Variants in NIPBL observed in about 807,000 individuals in gnomAD.
NIPBL encodes the protein nipped-B-like protein.
A neutral mutation model predicts 321.8 loss-of-function variants in NIPBL; 19 were observed. The ratio of observed to expected loss-of-function variants is 0.06; its 90% confidence interval spans 0.04 to 0.09. NIPBL has a LOEUF of 0.09. Ranked by LOEUF, NIPBL falls within the 10% of genes least tolerant of loss-of-function variation. The probability of loss-of-function intolerance (pLI) is 1.00; values close to 1 mark genes in which losing one functional copy is unlikely to be tolerated. For synonymous variants in NIPBL, 1,106 were observed against 1,114.1 expected (o/e 0.99, Z 0.14); for missense variants, 2,210 against 3,327.0 (o/e 0.66, Z 8.26).
intron 1 of NIPBL, among the ~76,000 whole-genome samples, chr5:36,917,605 A>G (rs576330694): frequency 7.2e-5 from 11 of 152,264 alleles, no homozygotes; most frequent in Admixed American, 1.3e-4. Context: ...GCCCATGCCT[A>G]TGTCCTGAAT....
chr5:36,912,016 A>G (rs569740700), intron 1 of NIPBL, among the ~76,000 whole-genome samples: 111 of 152,328 alleles, frequency 7.3e-4, no homozygotes, highest in African/African-American at 2.4e-3. Flanking sequence ...CGTGTTTTAA[A>G]TAAATTAGTG....
Position 36,876,961 on chromosome 5 carries a change from G to A in NIPBL, c.-297G>A, listed in dbSNP as rs1319186708. ...GCCCCCCCGGTAGCTCGGGCCCGTGGTCGGGTGTTTGTGAGTGTTTCTATG... is the reference window on the plus strand; with the variant it reads ...GCCCCCCCGGTAGCTCGGGCCCGTGATCGGGTGTTTGTGAGTGTTTCTATG... On this transcript the variant is annotated 5_prime_UTR_variant, in exon 1 of 47. Coordinates refer to ENST00000282516, the MANE Select transcript of NIPBL (RefSeq NM_133433.4). 2.5e-6 allele frequency: 1 copy of A among 395,386 alleles called. No individual in the cohort carries two copies. Among genetic ancestry groups the A allele is most frequent in the Non-Finnish European group, 4.5e-6 (1 of 223,918 alleles). 24.5% of individuals were successfully genotyped at this position (395,386 alleles called of 1,614,324 possible). A position where few individuals can be genotyped will look rare whatever the true frequency, so the allele number is the denominator to read the frequency against.
At chr5:36,948,709 T>C (rs1022477588) in intron 1 of NIPBL, among the ~76,000 whole-genome samples, 1 of 151,942 alleles carries the variant, frequency 6.6e-6, no homozygotes, top group Non-Finnish European at 1.5e-5. Context: ...CATTGTAATC[T>C]TGTATCCAAA....
chr5:36,951,682 AT>A (rs1425778334), intron 1 of NIPBL, among the ~76,000 whole-genome samples: 2 of 152,182 alleles, frequency 1.3e-5, no homozygotes, highest in Non-Finnish European at 2.9e-5. Context: ...CAAATTAATA[AT>A]TTCAAAGAGT....
intron 19 of NIPBL, among the ~76,000 whole-genome samples, 194 bp from the exon 20 acceptor site, chr5:37,008,429 T>A (rs1027426784): frequency 6.6e-6 from 1 of 152,146 alleles, no homozygotes; most frequent in Non-Finnish European, 1.5e-5. Flanking sequence ...TTCATAGTCC[T>A]TTAAATGAAA....
chr5:37,054,417 T>C (rs543665685), intron 42 of NIPBL, among the ~76,000 whole-genome samples: 57 of 152,200 alleles, frequency 3.7e-4, no homozygotes, highest in Non-Finnish European at 7.1e-4. Flanking sequence ...CCAGATGATA[T>C]AATGTAGTGC....
chr5:36,999,042 A>T (rs1404285788), intron 11 of NIPBL, among the ~76,000 whole-genome samples: 1 of 152,216 alleles, frequency 6.6e-6, no homozygotes, highest in Admixed American at 6.5e-5. Context: ...TTGTCCATAG[A>T]TTAGCTAGAA....
At chr5:36,958,366 A>G (rs1421167387) in intron 4 of NIPBL, 135 bp downstream of exon 4, 13 of 778,192 alleles carry the variant, frequency 1.7e-5, no homozygotes, top group African/African-American at 6.9e-5. Context: ...CAAGAAGGAA[A>G]CTAAACTGAT....
chr5:36,954,848 G>T, intron 2 of NIPBL: 1 of 153,054 alleles, frequency 6.5e-6, no homozygotes, highest in Non-Finnish European at 1.5e-5. Flanking sequence ...AATTTGTTAG[G>T]TGAACAGAGA....
chr5:36,961,620 TGTATG>T (rs1463384296), intron 5 of NIPBL, 37 bp downstream of exon 5: 21 of 1,222,552 alleles, frequency 1.7e-5, no homozygotes, highest in Non-Finnish European at 2.3e-5. Context: ...AATATTGTCT[TGTATG>T]GTGAATATGC....
At position 37,019,325 on chromosome 5, in the gene NIPBL, A is replaced by G; in HGVS notation, c.4935A>G (p.Glu1645=). 2 of 1,610,930 alleles carry G rather than the reference A, an allele frequency of 1.2e-6. No individual in the cohort carries two copies. Among genetic ancestry groups the G allele is most frequent in the Non-Finnish European group, 1.7e-6 (2 of 1,177,318 alleles). The change falls in exon 25 of 47, where the codon GAA becomes GAG. Residue 1645 remains glutamate, a synonymous_variant. Transcript: ENST00000282516. ...TTATTCTATAGGTTTCAGGAGGGGA[A>G]GATGAAATCCAACAATTACAAAAAG... ...ERILKQVSGG[E]DEIQQLQKAL...
At chr5:37,004,878 A>G (rs1747242400) in intron 16 of NIPBL, among the ~76,000 whole-genome samples, 1 of 152,192 alleles carries the variant, frequency 6.6e-6, no homozygotes, top group African/African-American at 2.4e-5. Context: ...TATATTTAAT[A>G]TACAAGCACT....
At chr5:37,024,778 A>G in intron 30 of NIPBL, 59 bp downstream of exon 30, 1 of 1,327,922 alleles carries the variant, frequency 7.5e-7, no homozygotes, top group East Asian at 2.5e-5. Flanking sequence ...TTAAATGTTT[A>G]TTGCACCTAA....
At chr5:36,962,907 A>G (rs1741787887) in intron 6 of NIPBL, among the ~76,000 whole-genome samples, 1 of 152,108 alleles carries the variant, frequency 6.6e-6, no homozygotes. Context: ...GCATTTGCAG[A>G]TTTTGGTATC....
chr5:36,932,777 TG>T (rs1290425112), intron 1 of NIPBL, among the ~76,000 whole-genome samples: 9 of 135,234 alleles, frequency 6.7e-5, no homozygotes, highest in Non-Finnish European at 1.1e-4. Context: ...ATTCCTCTGC[TG>T]TTTTTTTTTT....
At chr5:37,021,017 G>A (rs1412959937) in intron 27 of NIPBL, 140 bp downstream of exon 27, 13 of 762,168 alleles carry the variant, frequency 1.7e-5, no homozygotes, top group Admixed American at 5.9e-5. Context: ...TAGGTTCTCC[G>A]GCCGGGTGTA....
At chr5:37,011,265 T>C (rs934852420) in intron 21 of NIPBL, among the ~76,000 whole-genome samples, 3 of 152,172 alleles carry the variant, frequency 2.0e-5, no homozygotes, top group African/African-American at 7.2e-5. Context: ...GTAATAATTA[T>C]TAATAACTGG....
At position 37,038,860 on chromosome 5, in the gene NIPBL, A is replaced by G. The variant is rs1752010453; in HGVS notation, c.6108+122A>G. ...TCAACTGTGTCATTTACTTAGATAT[A>G]TGTACTATTTGTAGCAAGTGATCTA... On this transcript the variant is annotated intron_variant, in intron 34 of 46. Transcript: ENST00000282516. The G allele has an allele frequency of 7.0e-6, 7 of 994,960 alleles. No individual in the cohort carries two copies. The South Asian group carries it at 1.1e-4, about 15-fold the overall frequency. The allele number at this position is 994,960 out of a possible 1,614,324, so 61.6% of individuals were successfully genotyped here. A position where few individuals can be genotyped will look rare whatever the true frequency, so the allele number is the denominator to read the frequency against.
At chr5:37,059,240 C>T in intron 44 of NIPBL, 75 bp downstream of exon 44, 2 of 1,515,060 alleles carry the variant, frequency 1.3e-6, no homozygotes, top group Non-Finnish European at 1.8e-6. Flanking sequence ...GGTGTGGTGG[C>T]TCATGCCTGT....
Sources: allele counts gnomAD v4.1 joint callset (sites outside exome capture counted in the v4.1 genomes callset), GRCh38; gene constraint gnomAD v4.1.1; transcripts MANE v1.5; gene names NCBI Gene and HGNC (gene_info 2026-07-23, HGNC 2026-07-21).